The following FGF14 variants were observed in gnomAD, a reference collection of about 807,000 sequenced individuals.
FGF14 encodes the protein fibroblast growth factor homologous factor 4.
A neutral mutation model predicts 25.5 loss-of-function variants in FGF14; 5 were observed. The observed-to-expected ratio is 0.20, with a 90% CI of 0.10 to 0.41. The LOEUF (loss-of-function observed/expected upper bound fraction) is 0.41. Ranked by LOEUF, FGF14 falls within the 10% of genes least tolerant of loss-of-function variation. The pLI, the probability that FGF14 is intolerant of heterozygous loss-of-function variation, is 1.00. For missense variants in FGF14, 222 were observed against 320.1 expected (o/e 0.69, Z 2.34); for synonymous variants, 138 against 118.3 (o/e 1.17, Z -1.08).
chr13:102,202,973 T>A (rs934519589), intron 1 of FGF14, among the ~76,000 whole-genome samples: 6 of 152,148 alleles, frequency 3.9e-5, no homozygotes, highest in Admixed American at 2.0e-4. Flanking sequence ...AAACCTTCAG[T>A]CTTAATGTAG....
intron 3 of FGF14, among the ~76,000 whole-genome samples, chr13:101,775,724 G>A (rs1469983827): frequency 1.3e-5 from 2 of 152,158 alleles, no homozygotes; most frequent in Non-Finnish European, 1.5e-5. Context: ...AAGTTGGCAG[G>A]TAATGTGAAA....
At chr13:102,234,253 T>C (rs9518674) in intron 1 of FGF14, among the ~76,000 whole-genome samples, 45,423 of 90,464 alleles carry the variant, frequency 0.5, 11,671 homozygotes, top group African/African-American at 0.6. Context: ...ACCATGGAAA[T>C]ATACACTTAA....
intron 1 of FGF14, among the ~76,000 whole-genome samples, chr13:102,078,600 C>T (rs980271933): frequency 6.6e-6 from 1 of 152,146 alleles, no homozygotes; most frequent in African/African-American, 2.4e-5. Flanking sequence ...GGGGAGGCTT[C>T]TCATCCAACT....
chr13:101,937,948 C>T (rs2035211630), intron 1 of FGF14, among the ~76,000 whole-genome samples: 1 of 152,102 alleles, frequency 6.6e-6, no homozygotes, highest in Non-Finnish European at 1.5e-5. Context: ...TATGACAGTC[C>T]TAGAAAACTA....
At chr13:101,793,875 C>CTA (rs988097497) in intron 3 of FGF14, among the ~76,000 whole-genome samples, 12 of 151,928 alleles carry the variant, frequency 7.9e-5, no homozygotes, top group African/African-American at 1.7e-4. Flanking sequence ...AATCAATTAG[C>CTA]TATATATATA....
chr13:102,301,931 G>A (rs941794395), intron 1 of FGF14, among the ~76,000 whole-genome samples: 2 of 151,354 alleles, frequency 1.3e-5, no homozygotes, highest in African/African-American at 4.9e-5. Context: ...GTCATCGGAA[G>A]AACACATGCC....
chr13:101,877,712 A>G (rs899681482), intron 1 of FGF14, among the ~76,000 whole-genome samples: 1 of 152,246 alleles, frequency 6.6e-6, no homozygotes, highest in Non-Finnish European at 1.5e-5. Flanking sequence ...CCTGCTAGCC[A>G]GAGCTGAATT....
chr13:102,121,165 G>C (rs1490118852), intron 1 of FGF14, among the ~76,000 whole-genome samples: 1 of 152,004 alleles, frequency 6.6e-6, no homozygotes, highest in African/African-American at 2.4e-5. Context: ...TTGCATGCCT[G>C]TTTGGAATCT....
chr13:102,242,775 C>G (rs1278141038), intron 1 of FGF14, among the ~76,000 whole-genome samples: 1 of 152,052 alleles, frequency 6.6e-6, no homozygotes, highest in Non-Finnish European at 1.5e-5. Flanking sequence ...CAGTCTTTGT[C>G]CTTTTCACAG....
At chr13:102,286,163 A>C (rs2054087740) in intron 1 of FGF14, among the ~76,000 whole-genome samples, 1 of 152,170 alleles carries the variant, frequency 6.6e-6, no homozygotes, top group African/African-American at 2.4e-5. Flanking sequence ...GTTCCTAAGC[A>C]ATCATTGCCA....
intron 1 of FGF14, among the ~76,000 whole-genome samples, chr13:102,049,402 A>T (rs2042123970): frequency 6.6e-6 from 1 of 152,164 alleles, no homozygotes; most frequent in Non-Finnish European, 1.5e-5. Context: ...GTCACTGTGA[A>T]ACCCTTCTTT....
chr13:102,034,443 G>A (rs914665069), intron 1 of FGF14, among the ~76,000 whole-genome samples: 1 of 152,082 alleles, frequency 6.6e-6, no homozygotes, highest in East Asian at 1.9e-4. Flanking sequence ...TGGCAGCATC[G>A]GTCGCTGCCA....
chr13:102,053,818 T>G (rs967293657), intron 1 of FGF14, among the ~76,000 whole-genome samples: 2 of 152,132 alleles, frequency 1.3e-5, no homozygotes, highest in Non-Finnish European at 2.9e-5. Flanking sequence ...ATATAAAAAG[T>G]GAATAGAACT....
At chr13:101,816,176 A>T (rs56252146) in intron 3 of FGF14, among the ~76,000 whole-genome samples, 1 of 150,686 alleles carries the variant, frequency 6.6e-6, no homozygotes, top group Non-Finnish European at 1.5e-5. Context: ...AGGCTGAGGC[A>T]GCAGAATGGC....
chr13:101,769,481 T>C (rs2038621202), intron 3 of FGF14, among the ~76,000 whole-genome samples: 1 of 152,148 alleles, frequency 6.6e-6, no homozygotes, highest in Non-Finnish European at 1.5e-5. Flanking sequence ...TAAAAACTTC[T>C]GTCTACACGA....
chr13:101,789,256 C>G (rs1258417689), intron 3 of FGF14, among the ~76,000 whole-genome samples: 3 of 152,028 alleles, frequency 2.0e-5, no homozygotes, highest in African/African-American at 7.2e-5. Context: ...ATGCTTCCCA[C>G]CACTTATATT....
At chr13:102,106,626 GA>G (rs1275948825) in intron 1 of FGF14, among the ~76,000 whole-genome samples, 1 of 151,510 alleles carries the variant, frequency 6.6e-6, no homozygotes, top group East Asian at 1.9e-4. Context: ...GAAAGAAAGA[GA>G]GAGAGAGAAA....
chr13:102,154,901 CAA>C (rs1340338673), intron 1 of FGF14, among the ~76,000 whole-genome samples: 1 of 151,426 alleles, frequency 6.6e-6, no homozygotes, highest in East Asian at 1.9e-4. Flanking sequence ...CAACAAAGAT[CAA>C]AAGAGACAAA....
At chr13:102,151,681 T>C (rs1176284128) in intron 1 of FGF14, among the ~76,000 whole-genome samples, 1 of 152,044 alleles carries the variant, frequency 6.6e-6, no homozygotes, top group Non-Finnish European at 1.5e-5. Context: ...TGTGTGTTTT[T>C]AGTAGAGACG....
Sources: allele counts gnomAD v4.1 joint callset (sites outside exome capture counted in the v4.1 genomes callset), GRCh38; gene constraint gnomAD v4.1.1; transcripts MANE v1.5; gene names NCBI Gene and HGNC (gene_info 2026-07-23, HGNC 2026-07-21).